The following SHANK2 variants were observed in gnomAD, a reference collection of about 807,000 sequenced individuals.
The protein encoded by SHANK2 is SH3 and multiple ankyrin repeat domains protein 2.
SHANK2 carries 43 observed loss-of-function variants against 133.7 expected under a neutral mutation model. That is an observed-to-expected ratio of 0.32 (90% CI 0.25 to 0.41). SHANK2 has a LOEUF of 0.41. SHANK2 is among the 10% of genes least tolerant of loss of function. The pLI is 1.00. For missense variants in SHANK2, 1,994 were observed against 2,235.8 expected, an observed-to-expected ratio of 0.89 and a Z score of 2.18; for synonymous variants, 1,017 against 952.8, an observed-to-expected ratio of 1.07 and a Z score of -1.24.
intron 14 of SHANK2, among the ~76,000 whole-genome samples, chr11:70,784,869 C>G (rs1055762586): frequency 1.2e-4 from 19 of 152,240 alleles, no homozygotes; most frequent in African/African-American, 4.1e-4. Flanking sequence ...AGCCCTCCCG[C>G]TATTGGGGGC....
rs1404232044 is a variant in SHANK2 at position 71,060,645 on chromosome 11, C to T, written c.1030-4087G>A. On this transcript the variant is annotated intron_variant, in intron 9 of 25. Transcript: ENST00000601538. The stretch of plus-strand genomic sequence containing the variant: ...ATGTCAGCAGGGGAGGGACAGATGC[C>T]CATGGAGCTGTCAGCCTGAGGCCCA... Among the ~76,000 whole-genome samples the T allele has an allele frequency of 7.9e-5, 12 of 152,326 alleles. No individual in the cohort carries two copies. In the East Asian group the frequency reaches 2.3e-3, roughly 29 times the overall value.
chr11:70,592,541 G>A (rs376076084), intron 17 of SHANK2, among the ~76,000 whole-genome samples: 18 of 151,844 alleles, frequency 1.2e-4, no homozygotes, highest in African/African-American at 2.2e-4. Flanking sequence ...AAGGCCGTGC[G>A]GCATCTCGGT....
intron 14 of SHANK2, among the ~76,000 whole-genome samples, chr11:70,715,567 C>G (rs1555027051): frequency 6.6e-6 from 1 of 152,216 alleles, no homozygotes; most frequent in Admixed American, 6.5e-5. Flanking sequence ...TTGGCTGTCA[C>G]TGAGTTGGTT....
At chr11:70,494,540 C>T (rs1295055030) in intron 21 of SHANK2, among the ~76,000 whole-genome samples, 2 of 152,124 alleles carry the variant, frequency 1.3e-5, no homozygotes, top group Non-Finnish European at 2.9e-5. Context: ...GTGATGTGCC[C>T]GCCTTGGCCT....
At chr11:70,583,720 T>C (rs1466294472) in intron 17 of SHANK2, among the ~76,000 whole-genome samples, 1 of 152,208 alleles carries the variant, frequency 6.6e-6, no homozygotes, top group Non-Finnish European at 1.5e-5. Flanking sequence ...AGCCTCCTAA[T>C]GAACCATCGA....
chr11:70,888,732 G>A (rs1366440992), intron 11 of SHANK2, among the ~76,000 whole-genome samples: 5 of 152,024 alleles, frequency 3.3e-5, no homozygotes, highest in East Asian at 1.9e-4. Context: ...CAGCAGAATC[G>A]CTTGAACCTG....
At chr11:70,908,193 C>T in intron 10 of SHANK2, 1 of 232,970 alleles carries the variant, frequency 4.3e-6, no homozygotes, top group Non-Finnish European at 8.7e-6. Flanking sequence ...AGAGACCACC[C>T]TAAAACTAAG....
chr11:71,084,064 G>C (rs1323871511), intron 8 of SHANK2, among the ~76,000 whole-genome samples: 1 of 151,894 alleles, frequency 6.6e-6, no homozygotes, highest in East Asian at 1.9e-4. Flanking sequence ...CTGCCTCCTG[G>C]GTTCATGCCA....
At chr11:71,133,491 C>T (rs73523258) in intron 3 of SHANK2, among the ~76,000 whole-genome samples, 11,587 of 134,818 alleles carry the variant, frequency 0.086, 1,549 homozygotes, top group African/African-American at 0.28. Flanking sequence ...GAGGGATGGA[C>T]GGACGGATGG....
chr11:71,115,479 CAAAACAA>C (rs1345400777), intron 4 of SHANK2, among the ~76,000 whole-genome samples: 1 of 152,188 alleles, frequency 6.6e-6, no homozygotes, highest in Non-Finnish European at 1.5e-5. Flanking sequence ...AAAAACAAAA[CAAAACAA>C]AAAACAAAGT....
chr11:70,497,043 G>A (rs1205165669), intron 21 of SHANK2: 2 of 456,562 alleles, frequency 4.4e-6, no homozygotes, highest in South Asian at 1.5e-5. Flanking sequence ...GAGCATGTGA[G>A]AGCAGCCGGG....
chr11:70,531,569 G>A (rs1380329233), intron 17 of SHANK2, among the ~76,000 whole-genome samples: 1 of 152,224 alleles, frequency 6.6e-6, no homozygotes, highest in Non-Finnish European at 1.5e-5. Flanking sequence ...GCATGCAGCA[G>A]GGCTGTGAGG....
At chr11:71,148,084 G>GTT (rs200702145) in intron 2 of SHANK2, among the ~76,000 whole-genome samples, 21 of 140,406 alleles carry the variant, frequency 1.5e-4, no homozygotes, top group East Asian at 2.2e-4. Flanking sequence ...AAGGCTTCTT[G>GTT]TTTTTTTTTT....
chr11:70,595,715 C>T (rs1206407080), intron 17 of SHANK2, among the ~76,000 whole-genome samples: 2 of 152,190 alleles, frequency 1.3e-5, no homozygotes, highest in African/African-American at 2.4e-5. Flanking sequence ...GAGGCCCCAC[C>T]GCCCCGGGTA....
At chr11:71,107,862 T>C (rs1253708535) in intron 6 of SHANK2, among the ~76,000 whole-genome samples, 1 of 152,012 alleles carries the variant, frequency 6.6e-6, no homozygotes, top group Non-Finnish European at 1.5e-5. Flanking sequence ...CAGGGGCCAA[T>C]TACAGGGGGC....
intron 14 of SHANK2, among the ~76,000 whole-genome samples, chr11:70,741,492 C>T (rs551171259): frequency 3.3e-5 from 5 of 152,316 alleles, no homozygotes; most frequent in Admixed American, 2.6e-4. Flanking sequence ...TCCATCTGCC[C>T]ACCCATCCAC....
intron 17 of SHANK2, among the ~76,000 whole-genome samples, chr11:70,627,628 T>C (rs1316170844): frequency 6.6e-6 from 1 of 152,248 alleles, no homozygotes; most frequent in East Asian, 1.9e-4. Context: ...TGCATGTACA[T>C]TTGGTATATC....
At chr11:70,886,543 C>T (rs1045639586) in intron 11 of SHANK2, among the ~76,000 whole-genome samples, 1 of 152,194 alleles carries the variant, frequency 6.6e-6, no homozygotes, top group Admixed American at 6.5e-5. Context: ...TTGGAAGGAG[C>T]ACATTTCACA....
intron 6 of SHANK2, among the ~76,000 whole-genome samples, chr11:71,105,590 TAAAAAA>T (rs60654256): frequency 1.2e-4 from 9 of 77,954 alleles, no homozygotes; most frequent in African/African-American, 3.6e-4. Flanking sequence ...AGACTCAGTC[TAAAAAA>T]AAAAAAAAAA....
Sources: gnomAD v4.1 joint callset for allele counts (sites outside exome capture counted in the v4.1 genomes callset) on GRCh38, gnomAD v4.1.1 for gene constraint, MANE v1.5 for transcripts, NCBI Gene and HGNC (gene_info 2026-07-23, HGNC 2026-07-21) for gene names.